The following PNLIPRP3 variants were observed in gnomAD, a reference collection of about 807,000 sequenced individuals.
PNLIPRP3 encodes the protein pancreatic lipase-related protein 3.
A neutral mutation model predicts 52.8 loss-of-function variants in PNLIPRP3; 58 were observed. The observed-to-expected ratio is 1.10, with a 90% CI of 0.89 to 1.37. The LOEUF is 1.37. Ranked by LOEUF, PNLIPRP3 falls within the 40% of genes most tolerant of loss-of-function variation. PNLIPRP3 has a pLI of 0.00. For synonymous variants in PNLIPRP3, 192 were observed against 185.0 expected (o/e 1.04, Z -0.31); for missense variants, 593 against 561.6 (o/e 1.06, Z -0.57).
At position 116,438,156 on chromosome 10, in the gene PNLIPRP3, G is replaced by A. The variant is rs534453821; in HGVS notation, c.204+1291G>A. ...CTTGAGCAGGCTGTTGGAGATGTTAGTCTAACAGCGAAGCAGGCAGCCCAG... is the reference window on the plus strand; with the variant it reads ...CTTGAGCAGGCTGTTGGAGATGTTAATCTAACAGCGAAGCAGGCAGCCCAG... On this transcript the variant is annotated intron_variant, in intron 2 of 11. Transcript: ENST00000369230. Among the ~76,000 whole-genome samples the A allele has an allele frequency of 3.5e-4, 53 of 152,278 alleles. No homozygotes were observed. The East Asian group carries it at 7.2e-3, about 21-fold the overall frequency.
At chr10:116,439,885 C>T in intron 2 of PNLIPRP3, 2 of 793,836 alleles carry the variant, frequency 2.5e-6, no homozygotes, top group South Asian at 1.3e-5. Context: ...TTTCTCTTTC[C>T]CGGACATTAT....
chr10:116,455,859 G>T, intron 5 of PNLIPRP3, 29 bp downstream of exon 5: 1 of 1,539,094 alleles, frequency 6.5e-7, no homozygotes, highest in Non-Finnish European at 9.0e-7. Flanking sequence ...TGGGCCTTGA[G>T]TGTGTTTAAA....
intron 6 of PNLIPRP3, 33 bp from the exon 7 acceptor site, chr10:116,461,135 T>G (rs775764250): frequency 6.2e-7 from 1 of 1,614,150 alleles, no homozygotes; most frequent in South Asian, 1.1e-5. Context: ...AGGAGATTTT[T>G]AGAGGCATTT....
chr10:116,455,963 A>G, intron 5 of PNLIPRP3, 133 bp downstream of exon 5: 1 of 707,884 alleles, frequency 1.4e-6, no homozygotes, highest in South Asian at 2.0e-5. Flanking sequence ...ATGAAATAAA[A>G]CGTGAACGTG....
intron 7 of PNLIPRP3, among the ~76,000 whole-genome samples, chr10:116,464,538 T>C (rs570113441): frequency 6.6e-6 from 1 of 152,260 alleles, no homozygotes; most frequent in South Asian, 2.1e-4. Context: ...ACTGCTGTGG[T>C]AGGGCAGGTG....
intron 7 of PNLIPRP3, among the ~76,000 whole-genome samples, chr10:116,463,411 G>GT (rs1456263700): frequency 2.0e-5 from 3 of 152,186 alleles, no homozygotes; most frequent in African/African-American, 7.2e-5. Context: ...CTGTCAGGTG[G>GT]TCTGTCATCC....
chr10:116,455,682 CT>C, intron 4 of PNLIPRP3, 39 bp from the exon 5 acceptor site: 1 of 1,437,048 alleles, frequency 7.0e-7, no homozygotes, highest in Non-Finnish European at 9.8e-7. Context: ...TATTCCACCG[CT>C]GTTTTTAAAA....
intron 4 of PNLIPRP3, among the ~76,000 whole-genome samples, chr10:116,451,409 C>A (rs1447839066): frequency 1.3e-5 from 2 of 152,098 alleles, no homozygotes; most frequent in African/African-American, 4.8e-5. Flanking sequence ...TCACAGGCAG[C>A]AAAAGCAAAA....
intron 10 of PNLIPRP3, among the ~76,000 whole-genome samples, chr10:116,474,345 C>T (rs1589993011): frequency 1.3e-5 from 2 of 152,136 alleles, no homozygotes; most frequent in East Asian, 3.9e-4. Context: ...CTATAAAAAC[C>T]CTGGAAAACA....
chr10:116,470,591 G>T (rs2133156699), intron 9 of PNLIPRP3, among the ~76,000 whole-genome samples: 1 of 150,750 alleles, frequency 6.6e-6, no homozygotes, highest in South Asian at 2.1e-4. Context: ...CTCACTGCAA[G>T]CTCCACCTCC....
chr10:116,433,467 T>C (rs1845736003), intron 1 of PNLIPRP3, among the ~76,000 whole-genome samples: 1 of 152,130 alleles, frequency 6.6e-6, no homozygotes, highest in Non-Finnish European at 1.5e-5. Flanking sequence ...TTTCTGATAA[T>C]TAAATAAATG....
Position 116,436,787 on chromosome 10 carries a change from G to A in PNLIPRP3, c.126G>A (p.Leu42=), listed in dbSNP as rs1845780714. The A allele has an allele frequency of 6.2e-7, 1 of 1,613,746 alleles. No homozygotes were observed. The highest frequency in any genetic ancestry group is 1.7e-4 in the Middle Eastern group (1 of 6,058). Residue 42 remains leucine (L), a synonymous_variant, in exon 2 of 12, where the codon TTG becomes TTA. Transcript: ENST00000369230. ...GGACCAGGACTTTCTCAACAGAGTT[G>A]GTAGGTTTACCCTGGTCTCCAGAGA... The part of the protein sequence containing the change: ...LPWTRTFSTE[L]VGLPWSPEKI...
At chr10:116,450,270 T>A (rs4485017) in intron 4 of PNLIPRP3, among the ~76,000 whole-genome samples, 1 of 152,226 alleles carries the variant, frequency 6.6e-6, no homozygotes, top group African/African-American at 2.4e-5. Flanking sequence ...CTTAAAACAT[T>A]ATGAGATTTA....
chr10:116,427,917 C>T lies in PNLIPRP3; in HGVS notation c.-96C>T. 1.1e-6 allele frequency: 1 copy of T among 878,652 alleles called. No individual in the cohort carries two copies. The highest frequency in any genetic ancestry group is 1.9e-6 in the Non-Finnish European group (1 of 524,728). 54.4% of individuals were successfully genotyped at this position (878,652 alleles called of 1,614,324 possible). ...GTAGAGTTTAAACATTGAGTTGCATCATTGTGAGGAAAACCACTTAGTATT... is the reference window on the plus strand; with the variant it reads ...GTAGAGTTTAAACATTGAGTTGCATTATTGTGAGGAAAACCACTTAGTATT... On this transcript the variant is annotated 5_prime_UTR_variant, in exon 1 of 12. Transcript: ENST00000369230.
chr10:116,453,153 T>G (rs1294746729), intron 4 of PNLIPRP3, among the ~76,000 whole-genome samples: 1 of 152,218 alleles, frequency 6.6e-6, no homozygotes, highest in African/African-American at 2.4e-5. Context: ...AGGATTATGT[T>G]GGATCTTTAA....
intron 7 of PNLIPRP3, among the ~76,000 whole-genome samples, chr10:116,465,544 C>A (rs201840979): frequency 4.9e-5 from 7 of 143,350 alleles, no homozygotes; most frequent in South Asian, 2.2e-4. Flanking sequence ...AAAAAAAAAA[C>A]AAAACAAACA....
At chr10:116,433,731 T>C (rs983718823) in intron 1 of PNLIPRP3, among the ~76,000 whole-genome samples, 1 of 152,138 alleles carries the variant, frequency 6.6e-6, no homozygotes, top group African/African-American at 2.4e-5. Flanking sequence ...CATTTTCCTT[T>C]GCCCCAACAG....
chr10:116,443,781 G>GTA lies in PNLIPRP3; in HGVS notation c.325-600_325-599insAT, dbSNP rs1391566088. 3.4e-3 allele frequency among the ~76,000 whole-genome samples: 152 copies of GTA among 45,318 alleles called. 2 individuals are homozygous for GTA. The highest frequency in any genetic ancestry group is 7.8e-3 in the Non-Finnish European group (127 of 16,346). The allele number at this position is 45,318 out of a possible 152,430, so 29.7% of individuals were successfully genotyped here. On this transcript the variant is annotated intron_variant, in intron 3 of 11. Coordinates refer to ENST00000369230, the MANE Select transcript of PNLIPRP3 (RefSeq NM_001011709.3). ...TGTGTGTGTATGTGTGTGTGTGTGT[G>GTA]TGTGTATGTATGTGTGTGTGCATAT...
In PNLIPRP3 at chr10:116,461,226, C is replaced by A. The variant is rs1589986756; in HGVS notation, c.744C>A (p.His248Gln). The A allele has an allele frequency of 9.3e-6, 15 of 1,613,858 alleles. No homozygotes were observed. Among genetic ancestry groups the A allele is most frequent in the Non-Finnish European group, 1.3e-5 (15 of 1,179,762 alleles). ...ACTTTTACCCAAATGGAGGGAAGCA[C>A]ATGCCAGGATGTGAAGACTTAATTA... ...HLDFYPNGGK[H>Q]MPGCEDLITP... The change falls in exon 7 of 12, where the codon CAC becomes CAA. Residue 248 changes from histidine (H) to glutamine (Q), a missense_variant. Physicochemically the swap from His to Gln is conservative, Grantham distance 24. Transcript: ENST00000369230.
Sources: allele counts gnomAD v4.1 joint callset (sites outside exome capture counted in the v4.1 genomes callset), GRCh38; gene constraint gnomAD v4.1.1; transcripts MANE v1.5; gene names NCBI Gene and HGNC (gene_info 2026-07-23, HGNC 2026-07-21).